Variants in CPLX2 observed in about 807,000 individuals in gnomAD.
The protein encoded by CPLX2 is complexin 2.
Under a neutral mutation model 16.3 loss-of-function variants are expected in CPLX2, and 5 were observed. That is an observed-to-expected ratio of 0.31 (90% CI 0.16 to 0.64). The LOEUF (loss-of-function observed/expected upper bound fraction) is 0.64. Among genes scored for constraint, CPLX2 ranks in the 30% least tolerant of loss-of-function variants. CPLX2 has a pLI of 0.79. For missense variants in CPLX2, 144 were observed against 181.4 expected (o/e 0.79, Z 1.18); for synonymous variants, 89 against 73.2 (o/e 1.22, Z -1.10).
chr5:175,874,061 GTCAGCAC>G (rs1759701190), intron 1 of CPLX2, among the ~76,000 whole-genome samples: 1 of 152,226 alleles, frequency 6.6e-6, no homozygotes, highest in Non-Finnish European at 1.5e-5. Context: ...GGCCTTGAAG[GTCAGCAC>G]AAGGACTCGT....
At chr5:175,867,076 A>T (rs1759491432), upstream of CPLX2, among the ~76,000 whole-genome samples, 1 of 152,078 alleles carries the variant, frequency 6.6e-6, no homozygotes, top group African/African-American at 2.4e-5. Context: ...CCCTGTATCT[A>T]AAAAAATAAA....
intron 2 of CPLX2, among the ~76,000 whole-genome samples, chr5:175,836,107 T>C (rs1014866802): frequency 2.0e-5 from 3 of 152,124 alleles, no homozygotes; most frequent in South Asian, 2.1e-4. Flanking sequence ...TTCCAGCACT[T>C]TGGGAGGCCA....
chr5:175,809,126 C>T lies in CPLX2; in HGVS notation c.-89+58C>T, dbSNP rs960716513. 6.6e-6 allele frequency: 1 copy of T among 152,330 alleles called. No individual in the cohort carries two copies. The highest frequency in any genetic ancestry group is 2.4e-5 in the African/African-American group (1 of 41,456). 9.4% of individuals were successfully genotyped at this position (152,330 alleles called of 1,614,324 possible). A position where few individuals can be genotyped will look rare whatever the true frequency, so the allele number is the denominator to read the frequency against. Reference sequence around the variant, plus strand: ...TAGTGTTCAGGGCATCCCCTCATCCCTGGAGCCCTGATGAAGGGGGCACGT... The same window carrying T: ...TAGTGTTCAGGGCATCCCCTCATCCTTGGAGCCCTGATGAAGGGGGCACGT... On this transcript the variant is annotated intron_variant, in intron 2 of 4. Coordinates refer to the CPLX2 transcript ENST00000359546. This position sits in a 1 kb window ranked among gnomAD's most constrained non-coding sequence, Gnocchi z 4.4.
intron 2 of CPLX2, among the ~76,000 whole-genome samples, chr5:175,847,080 C>T (rs758640760): frequency 7.2e-5 from 11 of 152,350 alleles, no homozygotes; most frequent in Non-Finnish European, 1.5e-4. Flanking sequence ...AGACCCCCGC[C>T]TGGAGTCTGG....
chr5:175,838,266 CTTT>C (rs1156770920), intron 2 of CPLX2, among the ~76,000 whole-genome samples: 1 of 116,776 alleles, frequency 8.6e-6, no homozygotes, highest in Non-Finnish European at 1.7e-5. Flanking sequence ...CCCCTCCTGT[CTTT>C]TTTTTTTTTT....
chr5:175,873,365 GT>G (rs2113708328), intron 1 of CPLX2, among the ~76,000 whole-genome samples: 1 of 151,950 alleles, frequency 6.6e-6, no homozygotes, highest in Non-Finnish European at 1.5e-5. Flanking sequence ...TCATGCACTC[GT>G]TGACACGTTA....
chr5:175,859,974 T>C (rs1048960397), intron 2 of CPLX2, among the ~76,000 whole-genome samples: 4 of 152,224 alleles, frequency 2.6e-5, no homozygotes, highest in African/African-American at 9.7e-5. Flanking sequence ...GCAACTGAAG[T>C]AAAAAGGCAG....
chr5:175,822,853 G>C (rs1758538522), intron 2 of CPLX2, among the ~76,000 whole-genome samples: 1 of 152,186 alleles, frequency 6.6e-6, no homozygotes. Context: ...GTTAATGATG[G>C]GATCCTCCCA....
upstream of CPLX2, chr5:175,871,561 C>T (rs959463825): frequency 1.8e-4 from 28 of 151,798 alleles, no homozygotes; most frequent in Admixed American, 7.2e-4. Flanking sequence ...AGGGCGCCTT[C>T]GGCAGCCGCC....
chr5:175,871,437 G>GAGAGAGAGAGAA (rs1561790347), upstream of CPLX2: 70 of 63,498 alleles, frequency 1.1e-3, no homozygotes, highest in African/African-American at 3.2e-3. Context: ...GAGAGACAGA[G>GAGAGAGAGAGAA]AGAGAGAGAG....
At chr5:175,868,448 C>A (rs1386484810), upstream of CPLX2, among the ~76,000 whole-genome samples, 1 of 152,176 alleles carries the variant, frequency 6.6e-6, no homozygotes, top group Non-Finnish European at 1.5e-5. Context: ...AATCTGAACC[C>A]CTCCTCCTGC....
chr5:175,812,591 T>C (rs1013382252), intron 2 of CPLX2, among the ~76,000 whole-genome samples: 2 of 152,144 alleles, frequency 1.3e-5, no homozygotes, highest in African/African-American at 4.8e-5. Flanking sequence ...TAGAGACGCC[T>C]AGCCAGAAAA....
At chr5:175,818,363 A>G (rs1467017419) in intron 2 of CPLX2, among the ~76,000 whole-genome samples, 5 of 152,182 alleles carry the variant, frequency 3.3e-5, no homozygotes, top group Non-Finnish European at 7.4e-5. Flanking sequence ...ATCCAGCAGA[A>G]AAGGGCCTTG....
chr5:175,837,210 C>T (rs1278841052), intron 2 of CPLX2, among the ~76,000 whole-genome samples: 2 of 152,170 alleles, frequency 1.3e-5, no homozygotes, highest in East Asian at 3.9e-4. Flanking sequence ...GCTGTGCTTC[C>T]CCCTGACCTT....
At chr5:175,874,196 C>G (rs1039327611) in intron 1 of CPLX2, among the ~76,000 whole-genome samples, 1 of 152,114 alleles carries the variant, frequency 6.6e-6, no homozygotes, top group African/African-American at 2.4e-5. Context: ...GAGGGAGAGA[C>G]AGTTAGAGGT....
intron 2 of CPLX2, among the ~76,000 whole-genome samples, chr5:175,816,418 A>G (rs1287558139): frequency 6.6e-6 from 1 of 152,156 alleles, no homozygotes; most frequent in Admixed American, 6.5e-5. Context: ...TGCCCGCCTC[A>G]GCCTCCCAAA....
chr5:175,818,650 CTTTTTTT>C (rs70988300), intron 2 of CPLX2, among the ~76,000 whole-genome samples: 15 of 50,862 alleles, frequency 2.9e-4, no homozygotes, highest in African/African-American at 6.6e-4. Flanking sequence ...CTGTCCCAAC[CTTTTTTT>C]TTTTTTTTTT....
At chr5:175,827,424 G>C (rs1011390834) in intron 2 of CPLX2, among the ~76,000 whole-genome samples, 4 of 152,156 alleles carry the variant, frequency 2.6e-5, no homozygotes, top group Non-Finnish European at 5.9e-5. Context: ...CCATATTATG[G>C]TTTCATACCC....
chr5:175,839,341 A>T (rs775096763), intron 2 of CPLX2, among the ~76,000 whole-genome samples: 2 of 152,154 alleles, frequency 1.3e-5, no homozygotes, highest in Non-Finnish European at 2.9e-5. Flanking sequence ...GCTAGAGTAC[A>T]GTGGCGTGAT....
Sources: gnomAD v4.1 joint callset for allele counts (sites outside exome capture counted in the v4.1 genomes callset) on GRCh38, gnomAD v4.1.1 for gene constraint, Gnocchi (gnomAD v3.1) non-coding constraint, MANE v1.5 for transcripts, NCBI Gene and HGNC (gene_info 2026-07-23, HGNC 2026-07-21) for gene names.